Variants in NCALD observed in about 807,000 individuals in gnomAD.
NCALD encodes neurocalcin-delta.
NCALD carries 10 observed loss-of-function variants against 18.6 expected under a neutral mutation model. That is an observed-to-expected ratio of 0.54 (90% CI 0.33 to 0.91). The LOEUF is 0.91. Ranked by LOEUF, NCALD falls within the 40% of genes least tolerant of loss-of-function variation. The probability of loss-of-function intolerance (pLI) is 0.03; values close to 1 mark genes in which losing one functional copy is unlikely to be tolerated. For synonymous variants in NCALD, 88 were observed against 87.4 expected, an observed-to-expected ratio of 1.01 and a Z score of -0.04; for missense variants, 184 against 247.6, an observed-to-expected ratio of 0.74 and a Z score of 1.72.
chr8:101,988,984 A>G (rs987924183), intron 2 of NCALD, among the ~76,000 whole-genome samples: 1 of 151,984 alleles, frequency 6.6e-6, no homozygotes, highest in Non-Finnish European at 1.5e-5. Context: ...GCGTCTAGCA[A>G]GTGCAGCCTG....
At chr8:101,789,289 G>T (rs972793807) in intron 1 of NCALD, among the ~76,000 whole-genome samples, 4 of 152,054 alleles carry the variant, frequency 2.6e-5, no homozygotes, top group African/African-American at 4.8e-5. Context: ...TGGCCTCTGG[G>T]TTATTATAAT....
chr8:101,777,585 G>A (rs1811845859), intron 1 of NCALD, among the ~76,000 whole-genome samples: 1 of 152,188 alleles, frequency 6.6e-6, no homozygotes, highest in East Asian at 1.9e-4. Flanking sequence ...GTGCTGTCTG[G>A]GCCATGAAAG....
intron 4 of NCALD, among the ~76,000 whole-genome samples, chr8:101,871,205 T>C (rs1816003550): frequency 1.3e-5 from 2 of 152,210 alleles, no homozygotes; most frequent in African/African-American, 4.8e-5. Context: ...TCCTATCTGC[T>C]GTATGGACCA....
chr8:101,763,441 C>A (rs555496267), intron 1 of NCALD, among the ~76,000 whole-genome samples: 1 of 152,234 alleles, frequency 6.6e-6, no homozygotes, highest in East Asian at 1.9e-4. Flanking sequence ...ACGTTGGTAA[C>A]CAATGACAGG....
intron 3 of NCALD, among the ~76,000 whole-genome samples, chr8:101,901,153 T>C (rs921686382): frequency 2.6e-5 from 4 of 152,068 alleles, no homozygotes; most frequent in Non-Finnish European, 5.9e-5. Context: ...TTAACATTCA[T>C]ATAGCTATTC....
At chr8:102,018,251 C>G (rs1159751391) in intron 2 of NCALD, among the ~76,000 whole-genome samples, 1 of 152,022 alleles carries the variant, frequency 6.6e-6, no homozygotes, top group African/African-American at 2.4e-5. Context: ...AGTAATTTAC[C>G]CAAGAGAAAG....
At chr8:102,071,476 C>T (rs77018957) in intron 1 of NCALD, among the ~76,000 whole-genome samples, 9,262 of 151,728 alleles carry the variant, frequency 0.061, 416 homozygotes, top group Non-Finnish European at 0.092. Flanking sequence ...GCTTACAGTC[C>T]GAAGGGGAGA....
intron 2 of NCALD, among the ~76,000 whole-genome samples, chr8:101,974,781 C>T (rs1820362988): frequency 6.6e-6 from 1 of 152,168 alleles, no homozygotes. Flanking sequence ...ATTATACATA[C>T]ATTCAGGGTA....
chr8:101,880,726 A>G (rs893795428), intron 4 of NCALD, among the ~76,000 whole-genome samples: 2 of 152,254 alleles, frequency 1.3e-5, no homozygotes, highest in African/African-American at 4.8e-5. Flanking sequence ...AGAAAATTTG[A>G]GAATGTTTTG....
chr8:102,061,032 C>T (rs1421567643), intron 1 of NCALD, among the ~76,000 whole-genome samples: 2 of 152,134 alleles, frequency 1.3e-5, no homozygotes, highest in Non-Finnish European at 2.9e-5. Flanking sequence ...AGACTCCCGC[C>T]CCCACAACAC....
intron 1 of NCALD, among the ~76,000 whole-genome samples, chr8:102,034,015 TACACACACAC>T (rs34381236): frequency 1.4e-5 from 2 of 147,994 alleles, no homozygotes; most frequent in South Asian, 2.2e-4. Context: ...TCCCTCTAAA[TACACACACAC>T]ACACACACAC....
chr8:101,786,334 CA>C (rs1812226487), intron 1 of NCALD, among the ~76,000 whole-genome samples: 2 of 152,190 alleles, frequency 1.3e-5, no homozygotes, highest in South Asian at 4.1e-4. Context: ...AGGATCCCAT[CA>C]GGGGAGGACC....
At chr8:102,036,930 A>G (rs1822888288) in intron 1 of NCALD, among the ~76,000 whole-genome samples, 1 of 152,206 alleles carries the variant, frequency 6.6e-6, no homozygotes, top group African/African-American at 2.4e-5. Flanking sequence ...GAAAAAGATT[A>G]ATATATTTTG....
chr8:101,875,542 GGTCT>G (rs1314176397), intron 4 of NCALD, among the ~76,000 whole-genome samples: 2 of 152,048 alleles, frequency 1.3e-5, no homozygotes, highest in Non-Finnish European at 2.9e-5. Flanking sequence ...TGACCATTGT[GGTCT>G]GTCTCTCTTT....
chr8:101,950,275 A>G (rs1450648720), intron 2 of NCALD: 1 of 152,282 alleles, frequency 6.6e-6, no homozygotes, highest in East Asian at 1.9e-4. Context: ...TATGAATCCT[A>G]AGGCGGTAGC....
intron 1 of NCALD, among the ~76,000 whole-genome samples, chr8:101,729,687 A>G (rs1586327910): frequency 1.3e-5 from 2 of 152,176 alleles, no homozygotes; most frequent in African/African-American, 2.4e-5. Flanking sequence ...TGCATTCCCT[A>G]CAGCATGAGA....
At chr8:101,781,264 C>T (rs1027180026) in intron 1 of NCALD, among the ~76,000 whole-genome samples, 7 of 152,080 alleles carry the variant, frequency 4.6e-5, no homozygotes, top group Non-Finnish European at 1.0e-4. Context: ...GTTGGTACCA[C>T]GTTGTCCCAT....
intron 1 of NCALD, among the ~76,000 whole-genome samples, chr8:101,744,867 A>T (rs1293122683): frequency 6.6e-6 from 1 of 152,208 alleles, no homozygotes; most frequent in African/African-American, 2.4e-5. Flanking sequence ...CAAGGGATCA[A>T]TAACACCTCA....
chr8:101,735,569 A>G (rs919026410), intron 1 of NCALD, among the ~76,000 whole-genome samples: 2 of 152,224 alleles, frequency 1.3e-5, no homozygotes, highest in Non-Finnish European at 2.9e-5. Flanking sequence ...TAAACAATGA[A>G]TACTTTTTTA....
Sources: gnomAD v4.1 joint callset for allele counts (sites outside exome capture counted in the v4.1 genomes callset) on GRCh38, gnomAD v4.1.1 for gene constraint, MANE v1.5 for transcripts, NCBI Gene and HGNC (gene_info 2026-07-23, HGNC 2026-07-21) for gene names.